The following PFKFB2 variants were observed in gnomAD, a reference collection of about 807,000 sequenced individuals.
PFKFB2 encodes the protein 6-phosphofructo-2-kinase/fructose-2,6-bisphosphatase 2.
A neutral mutation model predicts 68.0 loss-of-function variants in PFKFB2; 53 were observed. The observed-to-expected ratio is 0.78, with a 90% CI of 0.63 to 0.98. The LOEUF (loss-of-function observed/expected upper bound fraction) is 0.98. Among genes scored for constraint, PFKFB2 ranks in the 50% least tolerant of loss-of-function variants. The probability of loss-of-function intolerance (pLI) is 0.00; values close to 1 mark genes in which losing one functional copy is unlikely to be tolerated. For synonymous variants in PFKFB2, 222 were observed against 227.6 expected, an observed-to-expected ratio of 0.98 and a Z score of 0.22; for missense variants, 451 against 642.0, an observed-to-expected ratio of 0.70 and a Z score of 3.22.
At chr1:207,045,223 T>A (rs1016246623) in intron 2 of PFKFB2, 2 of 152,426 alleles carry the variant, frequency 1.3e-5, no homozygotes, top group African/African-American at 4.8e-5. Flanking sequence ...TTATCAGTCA[T>A]CTCTGCACTA....
In PFKFB2 at chr1:207,072,264, T is replaced by C; in HGVS notation, c.1411T>C (p.Ser471Pro). 2 of 1,614,174 alleles carry C rather than the reference T, an allele frequency of 1.2e-6. No individual in the cohort carries two copies. Among genetic ancestry groups the C allele is most frequent in the Non-Finnish European group, 1.7e-6 (2 of 1,180,036 alleles). The change falls in exon 15 of 15, where the codon TCC becomes CCC. Residue 471 changes from serine to proline, a missense_variant. Ser to Pro is a moderately conservative substitution (Grantham distance 74). Coordinates refer to ENST00000367080, the MANE Select transcript of PFKFB2 (RefSeq NM_006212.2). ...GAGAAGGAACAGCTTTACGCCTCTG[T>C]CCAGTTCGAATACAATAAGGCGTCC... ...RMRRNSFTPL[S>P]SSNTIRRPRN...
At chr1:207,064,411 AG>A in intron 7 of PFKFB2, among the ~76,000 whole-genome samples, 1 of 150,816 alleles carries the variant, frequency 6.6e-6, no homozygotes, top group South Asian at 2.1e-4. Flanking sequence ...GTCTCAAAAA[AG>A]AAAAAAAAAA....
chr1:207,035,279 C>T (rs1225380364), intron 1 of PFKFB2: 1 of 812,210 alleles, frequency 1.2e-6, no homozygotes, highest in Non-Finnish European at 1.5e-6. Context: ...AGGCACCTCC[C>T]TTCCCTCTAA....
chr1:207,049,280 A>C, upstream of PFKFB2: 1 of 1,614,202 alleles, frequency 6.2e-7, no homozygotes, highest in Non-Finnish European at 8.5e-7. Flanking sequence ...ATGCCATCAT[A>C]AATAAGCAGA....
In PFKFB2 at chr1:207,077,285, C is replaced by T. The variant is rs1363392156; in HGVS notation, c.*4914C>T. On this transcript the variant is annotated 3_prime_UTR_variant, in exon 15 of 15. Coordinates refer to ENST00000367080, the MANE Select transcript of PFKFB2 (RefSeq NM_006212.2). ...TAGTCAGCCATGCATTTGGATTTTACACTTAATCTAGTAAGTAAAAATGAG... is the reference window on the plus strand; with the variant it reads ...TAGTCAGCCATGCATTTGGATTTTATACTTAATCTAGTAAGTAAAAATGAG... The T allele has an allele frequency of 1.0e-6, 1 of 985,014 alleles. No individual in the cohort carries two copies. Among genetic ancestry groups the T allele is most frequent in the Non-Finnish European group, 1.2e-6 (1 of 829,594 alleles). The allele number at this position is 985,014 out of a possible 1,614,324, so 61.0% of individuals were successfully genotyped here. A position where few individuals can be genotyped will look rare whatever the true frequency, so the allele number is the denominator to read the frequency against.
Position 207,054,684 on chromosome 1 carries a change from C to T in PFKFB2, c.-17-17C>T. On this transcript the variant is annotated splice_polypyrimidine_tract_variant and intron_variant, in intron 1 of 14. Transcript: ENST00000367080. ...TTCTTCCCCTTCCCTTTTTTACATT[C>T]TACTTCTCTGTTTCAGACATCTGAA... 1 of 1,529,874 alleles carries T rather than the reference C, an allele frequency of 6.5e-7. No individual in the cohort carries two copies. Among genetic ancestry groups the T allele is most frequent in the Non-Finnish European group, 9.0e-7 (1 of 1,107,408 alleles). 94.8% of individuals were successfully genotyped at this position (1,529,874 alleles called of 1,614,324 possible).
chr1:207,050,963 G>C (rs1446758035), upstream of PFKFB2: 10 of 1,555,318 alleles, frequency 6.4e-6, no homozygotes, highest in Non-Finnish European at 7.8e-6. Context: ...AGCCTGTTGG[G>C]AGACGCCGCC....
intron 8 of PFKFB2, among the ~76,000 whole-genome samples, chr1:207,065,446 GC>G (rs570553035): frequency 6.2e-4 from 94 of 152,178 alleles, no homozygotes; most frequent in African/African-American, 1.9e-3. Context: ...TGCCCCCGGG[GC>G]TCAGGTGATC....
rs775973822 is a variant in PFKFB2, at chr1:207,063,399, T to G, written c.428T>G (p.Phe143Cys). The change falls in exon 6 of 15, where the codon TTT becomes TGT. Residue 143 changes from phenylalanine (F) to cysteine (C), a missense_variant. Phe to Cys is a radical substitution (Grantham distance 205). Coordinates refer to ENST00000367080, the MANE Select transcript of PFKFB2 (RefSeq NM_006212.2). This position sits in a 1 kb window ranked among gnomAD's most constrained non-coding sequence, Gnocchi z 4.1. Reference sequence around the variant, plus strand: ...GAGAGGAGGGACATGATTTTGAACTTTGCTGAACAGAATTCCTTCAAGGTA... The same window carrying G: ...GAGAGGAGGGACATGATTTTGAACTGTGCTGAACAGAATTCCTTCAAGGTA... ...TRERRDMILN[F>C]AEQNSFKVFF... The G allele has an allele frequency of 1.2e-6, 2 of 1,613,596 alleles. No individual in the cohort carries two copies. Among genetic ancestry groups the G allele is most frequent in the Non-Finnish European group, 8.5e-7 (1 of 1,179,592 alleles).
chr1:207,069,403 G>A, intron 10 of PFKFB2, 21 bp from the exon 11 acceptor site: 1 of 1,555,702 alleles, frequency 6.4e-7, no homozygotes, highest in South Asian at 1.1e-5. Flanking sequence ...CTTCAAGCCA[G>A]CTTCAAGTGG....
chr1:207,074,612 C>T lies in PFKFB2; in HGVS notation c.*2241C>T, dbSNP rs910542754. 2 of 985,194 alleles carry T rather than the reference C, an allele frequency of 2.0e-6. No individual in the cohort carries two copies. Among genetic ancestry groups the T allele is most frequent in the Non-Finnish European group, 2.4e-6 (2 of 829,906 alleles). The allele number at this position is 985,194 out of a possible 1,614,324, so 61.0% of individuals were successfully genotyped here. On this transcript the variant is annotated 3_prime_UTR_variant, in exon 15 of 15. Coordinates refer to ENST00000367080, the MANE Select transcript of PFKFB2 (RefSeq NM_006212.2). ...CCTAGATTCTTCTCAAAATTGTGTC[C>T]AAGATGTTAAGTAACCTGCTATTCC...
In PFKFB2 at chr1:207,062,141, G is replaced by A. The variant is rs1683137985; in HGVS notation, c.211+63G>A. The A allele has an allele frequency of 8.1e-6, 13 of 1,607,084 alleles. 1 individual carries two copies. The highest frequency in any genetic ancestry group is 5.1e-6 in the Non-Finnish European group (6 of 1,175,482). On this transcript the variant is annotated intron_variant, in intron 3 of 14. Coordinates refer to ENST00000367080, the MANE Select transcript of PFKFB2 (RefSeq NM_006212.2). ...GTTCCTGGGCCTCACAGGTCTCTGGGAGACTTATTCTTCCTGGCATCAATG... is the reference window on the plus strand; with the variant it reads ...GTTCCTGGGCCTCACAGGTCTCTGGAAGACTTATTCTTCCTGGCATCAATG...
At chr1:207,067,243 T>G (rs573430929) in intron 8 of PFKFB2, among the ~76,000 whole-genome samples, 71 of 152,346 alleles carry the variant, frequency 4.7e-4, no homozygotes, top group Non-Finnish European at 1.0e-3. Context: ...TTTATCCTAT[T>G]TATCTACATT....
chr1:207,068,106 G>T, intron 9 of PFKFB2, 57 bp from the exon 10 acceptor site: 2 of 1,416,632 alleles, frequency 1.4e-6, no homozygotes, highest in South Asian at 2.5e-5. Flanking sequence ...GTGTGTGTGT[G>T]TGTGTGTGTG....
chr1:207,050,774 C>A (rs770934117), upstream of PFKFB2: 5 of 1,613,444 alleles, frequency 3.1e-6, no homozygotes, highest in Non-Finnish European at 4.2e-6. Flanking sequence ...GATTCGCTGA[C>A]CGCCGGGGGC....
chr1:207,039,393 C>T (rs1408389184), intron 1 of PFKFB2, among the ~76,000 whole-genome samples: 1 of 152,304 alleles, frequency 6.6e-6, no homozygotes, highest in Non-Finnish European at 1.5e-5. Context: ...TCCTACATAA[C>T]AGACTCTAAA....
chr1:207,071,735 AT>A (rs35425352), intron 14 of PFKFB2, among the ~76,000 whole-genome samples, 162 bp downstream of exon 14: 3 of 150,826 alleles, frequency 2.0e-5, no homozygotes, highest in African/African-American at 4.9e-5. Flanking sequence ...TGTTGGAATT[AT>A]TTTTTTTTTA....
intron 2 of PFKFB2, among the ~76,000 whole-genome samples, chr1:207,057,301 A>G (rs12729226): frequency 8.2e-6 from 1 of 121,460 alleles, no homozygotes. Flanking sequence ...CAAAAAAACT[A>G]CAAAAAAAAA....
In PFKFB2 at chr1:207,069,432, T is replaced by C. The variant is rs1370905844; in HGVS notation, c.996T>C (p.Cys332=). ...KILNEIDAGV[C]EEMTYAEIEK... ...CAAGTGGCTTTTTGCAGGGTGTGTG[T>C]GAAGAGATGACCTATGCAGAGATTG... Residue 332 remains cysteine, a synonymous_variant, in exon 11 of 15, where the codon TGT becomes TGC. Coordinates refer to ENST00000367080, the MANE Select transcript of PFKFB2 (RefSeq NM_006212.2). The C allele has an allele frequency of 1.9e-6, 3 of 1,613,312 alleles. No homozygotes were observed. The highest frequency in any genetic ancestry group is 2.5e-6 in the Non-Finnish European group (3 of 1,179,296).
Sources: gnomAD v4.1 joint callset for allele counts (sites outside exome capture counted in the v4.1 genomes callset) on GRCh38, gnomAD v4.1.1 for gene constraint, Gnocchi (gnomAD v3.1) non-coding constraint, MANE v1.5 for transcripts, NCBI Gene and HGNC (gene_info 2026-07-23, HGNC 2026-07-21) for gene names.